The following DSTN variants were observed in gnomAD, a reference collection of about 807,000 sequenced individuals.
DSTN encodes destrin, actin depolymerizing factor, also known as destrin.
In DSTN, 10 loss-of-function variants were observed where a neutral mutation model predicts 16.8. The observed-to-expected ratio is 0.60, with a 90% CI of 0.37 to 1.01. DSTN has a LOEUF of 1.01. Ranked by LOEUF, DSTN falls within the 50% of genes least tolerant of loss-of-function variation. DSTN has a pLI of 0.01. For synonymous variants in DSTN, 57 were observed against 58.9 expected, an observed-to-expected ratio of 0.97 and a Z score of 0.14; for missense variants, 141 against 196.7, an observed-to-expected ratio of 0.72 and a Z score of 1.69.
chr20:17,606,267 A>G (rs1054189592), intron 3 of DSTN, among the ~76,000 whole-genome samples: 2 of 152,234 alleles, frequency 1.3e-5, no homozygotes, highest in African/African-American at 4.8e-5. Flanking sequence ...CCATGCAGCT[A>G]TTTAAAAGAC....
chr20:17,584,953 C>T (rs531937406), intron 1 of DSTN, among the ~76,000 whole-genome samples: 1 of 152,222 alleles, frequency 6.6e-6, no homozygotes, highest in Admixed American at 6.5e-5. Flanking sequence ...TGCAGTTCTC[C>T]TGTTTTTATT....
chr20:17,601,233 T>C (rs1404625699), intron 2 of DSTN, among the ~76,000 whole-genome samples, 188 bp downstream of exon 2: 1 of 151,852 alleles, frequency 6.6e-6, no homozygotes, highest in Non-Finnish European at 1.5e-5. Context: ...TTGACTATTT[T>C]CTATCTACTT....
chr20:17,591,420 A>G (rs2035467675), intron 1 of DSTN, among the ~76,000 whole-genome samples: 1 of 151,938 alleles, frequency 6.6e-6, no homozygotes, highest in African/African-American at 2.4e-5. Context: ...AGGCTTTGCC[A>G]GGAGTCCGTG....
chr20:17,599,088 A>T (rs2035558343), intron 1 of DSTN, among the ~76,000 whole-genome samples: 1 of 152,254 alleles, frequency 6.6e-6, no homozygotes, highest in African/African-American at 2.4e-5. Flanking sequence ...TGAATAGATA[A>T]GGAAAATGTG....
chr20:17,574,736 AAAAAAAAAAAAT>A (rs1208411564), intron 1 of DSTN, among the ~76,000 whole-genome samples: 1 of 149,622 alleles, frequency 6.7e-6, no homozygotes, highest in Non-Finnish European at 1.5e-5. Context: ...AAAAAAAAAA[AAAAAAAAAAAAT>A]TAAAAGTCTA....
chr20:17,585,888 A>G (rs2122179798), intron 1 of DSTN, among the ~76,000 whole-genome samples: 1 of 152,322 alleles, frequency 6.6e-6, no homozygotes, highest in East Asian at 1.9e-4. Flanking sequence ...TTTGTGCCTC[A>G]GCAGTTCTAT....
At chr20:17,587,653 T>TC (rs1447358657) in intron 1 of DSTN, among the ~76,000 whole-genome samples, 2 of 152,170 alleles carry the variant, frequency 1.3e-5, no homozygotes, top group Non-Finnish European at 2.9e-5. Context: ...TTTCTTTTTT[T>TC]CTCTTTGAGT....
chr20:17,575,335 C>T (rs73258636), intron 1 of DSTN, among the ~76,000 whole-genome samples: 9,501 of 152,212 alleles, frequency 0.062, 458 homozygotes, highest in African/African-American at 0.13. Context: ...ATTTAACATA[C>T]AAATGCGTTG....
Position 17,607,689 on chromosome 20 carries a change from C to G in DSTN, c.*543C>G, listed in dbSNP as rs1318223474. ...GCCTCAAAATTGTGTCCACATAATCCACGCTCATCTTGCAAAGCGCTATTT... is the reference window on the plus strand; with the variant it reads ...GCCTCAAAATTGTGTCCACATAATCGACGCTCATCTTGCAAAGCGCTATTT... On this transcript the variant is annotated 3_prime_UTR_variant, in exon 4 of 4. Transcript: ENST00000246069. The G allele has an allele frequency of 6.6e-6, 1 of 152,240 alleles. No homozygotes were observed. The highest frequency in any genetic ancestry group is 2.4e-5 in the African/African-American group (1 of 41,436). 9.4% of individuals were successfully genotyped at this position (152,240 alleles called of 1,614,324 possible).
intron 1 of DSTN, chr20:17,576,635 T>G (rs2035281801): frequency 6.6e-6 from 1 of 152,240 alleles, no homozygotes; most frequent in African/African-American, 2.4e-5. Context: ...ACGGCATAGA[T>G]GAGTGCTTGA....
intron 1 of DSTN, among the ~76,000 whole-genome samples, chr20:17,576,926 C>CGG (rs2035285389): frequency 6.6e-6 from 1 of 152,172 alleles, no homozygotes; most frequent in Non-Finnish European, 1.5e-5. Flanking sequence ...ACAGGTGGAG[C>CGG]ATCCCTAATC....
At chr20:17,575,638 G>T (rs943341356) in intron 1 of DSTN, among the ~76,000 whole-genome samples, 1 of 151,914 alleles carries the variant, frequency 6.6e-6, no homozygotes, top group African/African-American at 2.4e-5. Context: ...GCTAAGCTTT[G>T]TATTTTAAAA....
At chr20:17,581,355 G>T (rs1459672767) in intron 1 of DSTN, among the ~76,000 whole-genome samples, 1 of 152,074 alleles carries the variant, frequency 6.6e-6, no homozygotes, top group African/African-American at 2.4e-5. Flanking sequence ...ATGGTGGCAC[G>T]TACCTGTAGT....
At chr20:17,578,196 A>G (rs2035300770) in intron 1 of DSTN, among the ~76,000 whole-genome samples, 1 of 152,224 alleles carries the variant, frequency 6.6e-6, no homozygotes, top group Admixed American at 6.5e-5. Flanking sequence ...ATGAAACTAG[A>G]CTATTGAGCT....
chr20:17,576,790 CA>C (rs2035283633), intron 1 of DSTN, among the ~76,000 whole-genome samples: 1 of 152,196 alleles, frequency 6.6e-6, no homozygotes, highest in South Asian at 2.1e-4. Flanking sequence ...TGCCTTCTCA[CA>C]GGAAAGCAAG....
At chr20:17,588,987 C>A (rs375166588) in intron 1 of DSTN, among the ~76,000 whole-genome samples, 3 of 152,024 alleles carry the variant, frequency 2.0e-5, no homozygotes, top group African/African-American at 7.2e-5. Context: ...AGAATAAACT[C>A]CAGAATTCCA....
intron 1 of DSTN, among the ~76,000 whole-genome samples, chr20:17,585,533 T>C (rs1370837415): frequency 2.0e-5 from 3 of 152,320 alleles, no homozygotes; most frequent in African/African-American, 7.2e-5. Context: ...GAAAGTATTA[T>C]TCACCTTGAA....
intron 1 of DSTN, among the ~76,000 whole-genome samples, chr20:17,582,143 A>G (rs1468713822): frequency 7.0e-6 from 1 of 142,054 alleles, no homozygotes; most frequent in African/African-American, 2.7e-5. Flanking sequence ...CAATAGCGTG[A>G]TCTTGGCTCA....
intron 1 of DSTN, among the ~76,000 whole-genome samples, chr20:17,582,227 C>T (rs571018706): frequency 7.9e-5 from 12 of 152,000 alleles, no homozygotes; most frequent in African/African-American, 1.9e-4. Flanking sequence ...AACAGGTGCG[C>T]GCCACCACGC....
Sources: gnomAD v4.1 joint callset for allele counts (sites outside exome capture counted in the v4.1 genomes callset) on GRCh38, gnomAD v4.1.1 for gene constraint, MANE v1.5 for transcripts, NCBI Gene and HGNC (gene_info 2026-07-23, HGNC 2026-07-21) for gene names.